AKT3: variants seen among roughly 807,000 people sequenced by gnomAD.
AKT3 encodes AKT serine/threonine kinase 3, also known as RAC-gamma serine/threonine-protein kinase.
Under a neutral mutation model 65.3 loss-of-function variants are expected in AKT3, and 15 were observed. The ratio of observed to expected loss-of-function variants is 0.23; its 90% CI spans 0.15 to 0.35. AKT3 has a LOEUF of 0.35. AKT3 is among the 10% of genes least tolerant of loss of function. The pLI is 1.00. For missense variants in AKT3, 243 were observed against 576.5 expected, an observed-to-expected ratio of 0.42 and a Z score of 5.92; for synonymous variants, 206 against 183.8, an observed-to-expected ratio of 1.12 and a Z score of -0.98.
chr1:243,553,018 T>G (rs1673177080), intron 10 of AKT3, 75 bp from the exon 11 acceptor site: 3 of 1,202,996 alleles, frequency 2.5e-6, no homozygotes, highest in Non-Finnish European at 3.5e-6. Flanking sequence ...ACATAAGATT[T>G]TTACATAAAA....
chr1:243,593,473 G>A (rs1359906508), intron 8 of AKT3, among the ~76,000 whole-genome samples: 1 of 152,174 alleles, frequency 6.6e-6, no homozygotes, highest in Non-Finnish European at 1.5e-5. Context: ...GATCACTTGA[G>A]GGTAAGAGTT....
At chr1:243,628,562 C>T (rs978694771) in intron 6 of AKT3, among the ~76,000 whole-genome samples, 1 of 152,192 alleles carries the variant, frequency 6.6e-6, no homozygotes, top group African/African-American at 2.4e-5. Context: ...GCCTTGGCCT[C>T]CCAAAGTGTT....
intron 9 of AKT3, among the ~76,000 whole-genome samples, chr1:243,566,824 G>C (rs899792856): frequency 6.6e-6 from 1 of 152,164 alleles, no homozygotes; most frequent in African/African-American, 2.4e-5. Flanking sequence ...AACATGAAGA[G>C]TTTAATGGCT....
At chr1:243,778,112 T>C (rs1335976464) in intron 2 of AKT3, among the ~76,000 whole-genome samples, 1 of 152,206 alleles carries the variant, frequency 6.6e-6, no homozygotes, top group African/African-American at 2.4e-5. Context: ...CTTATGTTAG[T>C]TGCATTCCTG....
chr1:243,785,935 A>C (rs1280888025), intron 2 of AKT3, among the ~76,000 whole-genome samples: 1 of 152,242 alleles, frequency 6.6e-6, no homozygotes, highest in Non-Finnish European at 1.5e-5. Flanking sequence ...AAAGTGGAAA[A>C]GTACAGTGGC....
chr1:243,642,131 T>C (rs1680440829), intron 5 of AKT3, among the ~76,000 whole-genome samples: 2 of 152,204 alleles, frequency 1.3e-5, no homozygotes, highest in African/African-American at 4.8e-5. Context: ...GAAACAGATT[T>C]CCCATCTATT....
intron 2 of AKT3, among the ~76,000 whole-genome samples, chr1:243,805,201 T>A (rs995231127): frequency 6.6e-6 from 1 of 152,142 alleles, no homozygotes; most frequent in Admixed American, 6.5e-5. Context: ...TCCTCTTCTG[T>A]TCCTCAGTAA....
intron 2 of AKT3, among the ~76,000 whole-genome samples, chr1:243,761,653 AC>A (rs1689498003): frequency 6.6e-6 from 1 of 152,132 alleles, no homozygotes; most frequent in South Asian, 2.1e-4. Flanking sequence ...GTATGATCCC[AC>A]TCACATGAGT....
At chr1:243,494,492 A>G (rs1236098903) in intron 13 of AKT3, among the ~76,000 whole-genome samples, 1 of 152,226 alleles carries the variant, frequency 6.6e-6, no homozygotes, top group African/African-American at 2.4e-5. Flanking sequence ...TGTCTAACAT[A>G]AGCATCTCGC....
chr1:243,595,131 C>A (rs1203275526), intron 8 of AKT3, among the ~76,000 whole-genome samples: 2 of 152,186 alleles, frequency 1.3e-5, no homozygotes, highest in African/African-American at 2.4e-5. Flanking sequence ...GGTTTACTTA[C>A]ATAAACCTAA....
Position 243,572,504 on chromosome 1 carries a change from G to T in AKT3, c.819+422C>A, listed in dbSNP as rs1169022540. ...AAAACACGAGGCACATTAATAAATGGTTATTATATTAAAATGCTTCAGGTA... is the reference window on the plus strand; with the variant it reads ...AAAACACGAGGCACATTAATAAATGTTTATTATATTAAAATGCTTCAGGTA... On this transcript the variant is annotated intron_variant, in intron 9 of 13. Coordinates refer to ENST00000673466, the MANE Select transcript of AKT3 (RefSeq NM_005465.7). 2.6e-5 allele frequency among the ~76,000 whole-genome samples: 4 copies of T among 152,208 alleles called. No homozygotes were observed. The East Asian group carries it at 7.7e-4, about 29-fold the overall frequency.
chr1:243,539,426 T>A (rs1672149568), intron 12 of AKT3, among the ~76,000 whole-genome samples: 1 of 152,174 alleles, frequency 6.6e-6, no homozygotes, highest in Non-Finnish European at 1.5e-5. Context: ...AACTGTTCAT[T>A]AAGGCTTCGT....
intron 1 of AKT3, 98 bp downstream of exon 1, chr1:243,849,942 C>G: frequency 1.1e-6 from 1 of 892,070 alleles, no homozygotes. Context: ...CGCCATCCCC[C>G]GCCTGAGGGA....
intron 2 of AKT3, among the ~76,000 whole-genome samples, chr1:243,751,229 T>C (rs919540018): frequency 5.3e-5 from 8 of 152,244 alleles, no homozygotes; most frequent in African/African-American, 1.9e-4. Flanking sequence ...TTGAAGCCTC[T>C]ATACAACTTT....
In AKT3 at chr1:243,720,506, A is replaced by ATAAT. The variant is rs1397024419; in HGVS notation, c.47-24794_47-24791dup. On this transcript the variant is annotated intron_variant, in intron 2 of 13. Coordinates refer to ENST00000673466, the MANE Select transcript of AKT3 (RefSeq NM_005465.7). Reference sequence around the variant, plus strand: ...AATATAATTAAAAGCTAAGTATAATATAATCTTCATGTGTTTTATCAATAC... The same window carrying ATAAT: ...AATATAATTAAAAGCTAAGTATAATATAATTAATCTTCATGTGTTTTATCAATAC... 5.0e-4 allele frequency among the ~76,000 whole-genome samples: 75 copies of ATAAT among 151,496 alleles called. 1 individual carries two copies. Among genetic ancestry groups the ATAAT allele is most frequent in the Admixed American group, 1.2e-3 (18 of 15,230 alleles).
At chr1:243,618,708 G>T (rs1678518548) in intron 6 of AKT3, among the ~76,000 whole-genome samples, 1 of 152,006 alleles carries the variant, frequency 6.6e-6, no homozygotes, top group African/African-American at 2.4e-5. Flanking sequence ...GGGGGAATGG[G>T]ATTTTATTTC....
intron 6 of AKT3, among the ~76,000 whole-genome samples, chr1:243,624,111 A>T (rs1391757305): frequency 2.2e-4 from 34 of 152,146 alleles, no homozygotes; most frequent in Admixed American, 2.2e-3. Flanking sequence ...CATAAGTAGG[A>T]CTCATTAAAG....
At chr1:243,527,491 AATCATT>A (rs1052684899) in intron 12 of AKT3, among the ~76,000 whole-genome samples, 48 of 152,288 alleles carry the variant, frequency 3.2e-4, no homozygotes, top group Non-Finnish European at 6.2e-4. Context: ...TATGTTTTAT[AATCATT>A]ATAATTTTTT....
At chr1:243,542,178 T>G (rs1672367726) in intron 12 of AKT3, among the ~76,000 whole-genome samples, 1 of 152,224 alleles carries the variant, frequency 6.6e-6, no homozygotes, top group South Asian at 2.1e-4. Flanking sequence ...AAAATTTACG[T>G]AGAAATCTAT....
Sources: allele counts gnomAD v4.1 joint callset (sites outside exome capture counted in the v4.1 genomes callset), GRCh38; gene constraint gnomAD v4.1.1; transcripts MANE v1.5; gene names NCBI Gene and HGNC (gene_info 2026-07-23, HGNC 2026-07-21).